The following DPYD variants were observed in gnomAD, a reference collection of about 807,000 sequenced individuals.
DPYD encodes dihydropyrimidine dehydrogenase [NADP(+)].
In DPYD, 109 loss-of-function variants were observed where a neutral mutation model predicts 116.2. The ratio of observed to expected loss-of-function variants is 0.94; its 90% CI spans 0.80 to 1.10. DPYD has a LOEUF of 1.10. Ranked by LOEUF, DPYD falls within the 50% of genes least tolerant of loss-of-function variation. DPYD has a pLI of 0.00. For synonymous variants in DPYD, 440 were observed against 432.0 expected (o/e 1.02, Z -0.23); for missense variants, 1,302 against 1,254.5 (o/e 1.04, Z -0.57).
chr1:97,751,784 T>TG (rs397980946), intron 3 of DPYD, among the ~76,000 whole-genome samples: 1 of 149,844 alleles, frequency 6.7e-6, no homozygotes, highest in Non-Finnish European at 1.5e-5. Context: ...TTTTTTTTTT[T>TG]GAGATGGAGT....
chr1:97,294,395 T>A (rs1035773582), intron 18 of DPYD, among the ~76,000 whole-genome samples: 7 of 152,038 alleles, frequency 4.6e-5, no homozygotes, highest in Admixed American at 1.3e-4. Context: ...ATAGGTTTTT[T>A]AAATCTCAAT....
At position 97,078,895 on chromosome 1, in the gene DPYD, C is replaced by A; in HGVS notation, c.*81G>T. The A allele has an allele frequency of 1.4e-6, 2 of 1,480,982 alleles. No individual in the cohort carries two copies. The highest frequency in any genetic ancestry group is 1.9e-6 in the Non-Finnish European group (2 of 1,059,532). 91.7% of individuals were successfully genotyped at this position (1,480,982 alleles called of 1,614,324 possible). A position where few individuals can be genotyped will look rare whatever the true frequency, so the allele number is the denominator to read the frequency against. ...TATATTTGTTTTAATTTGGAAAGAG[C>A]TGAACACAAGGATCATGATTTTAAA... is the stretch of plus-strand genomic sequence containing the variant. On this transcript the variant is annotated 3_prime_UTR_variant, in exon 23 of 23. Coordinates refer to ENST00000370192, the MANE Select transcript of DPYD (RefSeq NM_000110.4).
intron 18 of DPYD, among the ~76,000 whole-genome samples, chr1:97,235,658 C>T (rs937701644): frequency 1.3e-5 from 2 of 151,902 alleles, no homozygotes; most frequent in African/African-American, 4.8e-5. Flanking sequence ...CAAGGAACAG[C>T]AGATTTTGAA....
In DPYD at chr1:97,501,281, A is replaced by G. The variant is rs572909760; in HGVS notation, c.1740+14445T>C. 2.6e-5 allele frequency among the ~76,000 whole-genome samples: 4 copies of G among 152,206 alleles called. No homozygotes were observed. The East Asian group carries it at 5.8e-4, about 22-fold the overall frequency. On this transcript the variant is annotated intron_variant, in intron 13 of 22. Coordinates refer to ENST00000370192, the MANE Select transcript of DPYD (RefSeq NM_000110.4). ...AAATGGTTATAGAGCCAACTTCTTA[A>G]TATGTTCTATTTCATGTTTTAATGT...
At chr1:97,394,958 G>T (rs1672931765) in intron 14 of DPYD, among the ~76,000 whole-genome samples, 1 of 151,902 alleles carries the variant, frequency 6.6e-6, no homozygotes, top group Admixed American at 6.6e-5. Context: ...TGCAGGTAAG[G>T]GACAAAACAA....
intron 12 of DPYD, among the ~76,000 whole-genome samples, chr1:97,528,946 T>C (rs1649355032): frequency 6.6e-6 from 1 of 152,204 alleles, no homozygotes; most frequent in Non-Finnish European, 1.5e-5. Flanking sequence ...TATTCAACTT[T>C]TCATGATAGC....
At chr1:97,881,020 A>G (rs1672190375) in intron 2 of DPYD, among the ~76,000 whole-genome samples, 1 of 151,988 alleles carries the variant, frequency 6.6e-6, no homozygotes, top group Non-Finnish European at 1.5e-5. Flanking sequence ...TTCTTTATCT[A>G]TATTCCTAAT....
chr1:97,893,206 A>T (rs1019645215), intron 1 of DPYD, among the ~76,000 whole-genome samples: 3 of 151,370 alleles, frequency 2.0e-5, no homozygotes, highest in East Asian at 3.9e-4. Flanking sequence ...AAGGATGAAG[A>T]CAACAGGTGA....
At chr1:97,313,632 T>C (rs1667646587) in intron 16 of DPYD, among the ~76,000 whole-genome samples, 1 of 151,840 alleles carries the variant, frequency 6.6e-6, no homozygotes. Context: ...AGTTTTTTCT[T>C]ATTTTTCTCT....
rs963831073 is a variant in DPYD at position 97,773,578 on chromosome 1, C to T, written c.234-33099G>A. On this transcript the variant is annotated intron_variant, in intron 3 of 22. Transcript: ENST00000370192. ...ATAAAAACCCCGAGACACGAGGAGG[C>T]ACACAGACACAGGCAGCTGGACATT... 3.9e-5 allele frequency among the ~76,000 whole-genome samples: 6 copies of T among 152,274 alleles called. No homozygotes were observed. The East Asian group carries it at 1.2e-3, about 30-fold the overall frequency.
chr1:97,682,420 C>T (rs1660474505), intron 7 of DPYD, among the ~76,000 whole-genome samples: 1 of 151,882 alleles, frequency 6.6e-6, no homozygotes, highest in Non-Finnish European at 1.5e-5. Context: ...GGCTTCCTTC[C>T]TTTTTGTGAA....
chr1:97,707,084 A>G (rs1403834415), intron 5 of DPYD, among the ~76,000 whole-genome samples: 1 of 151,954 alleles, frequency 6.6e-6, no homozygotes, highest in Non-Finnish European at 1.5e-5. Flanking sequence ...TTCAATTCGT[A>G]TGTTGAAAAC....
intron 13 of DPYD, among the ~76,000 whole-genome samples, chr1:97,495,163 T>A (rs2101914052): frequency 6.6e-6 from 1 of 152,188 alleles, no homozygotes; most frequent in South Asian, 2.1e-4. Flanking sequence ...GTGGGAGGAA[T>A]TAAGACTAAG....
chr1:97,524,276 C>T (rs1223146958), intron 12 of DPYD, among the ~76,000 whole-genome samples: 2 of 152,116 alleles, frequency 1.3e-5, no homozygotes, highest in African/African-American at 4.8e-5. Context: ...ATAGAGTTGT[C>T]CATTAGGGGT....
chr1:97,389,486 C>A (rs1466955357), intron 14 of DPYD, among the ~76,000 whole-genome samples: 2 of 151,858 alleles, frequency 1.3e-5, no homozygotes, highest in Non-Finnish European at 2.9e-5. Context: ...AGATTACAGT[C>A]CCCTTTATAT....
chr1:97,405,430 C>A (rs950954272), intron 14 of DPYD, among the ~76,000 whole-genome samples: 1 of 152,004 alleles, frequency 6.6e-6, no homozygotes. Flanking sequence ...ATTTCTCCTT[C>A]ACTTTTGAAG....
At chr1:97,144,190 T>C (rs1654442371) in intron 20 of DPYD, among the ~76,000 whole-genome samples, 1 of 152,222 alleles carries the variant, frequency 6.6e-6, no homozygotes, top group South Asian at 2.1e-4. Context: ...TACGCTTCCT[T>C]AATGCAGAGA....
At chr1:97,129,162 C>G (rs1459291352) in intron 20 of DPYD, among the ~76,000 whole-genome samples, 6 of 151,106 alleles carry the variant, frequency 4.0e-5, no homozygotes, top group Non-Finnish European at 5.9e-5. Flanking sequence ...CCTCCCAGTT[C>G]AAGAGATTCT....
chr1:97,306,231 T>C lies in DPYD; in HGVS notation c.2125A>G (p.Lys709Glu). The C allele has an allele frequency of 6.2e-7, 1 of 1,612,534 alleles. No individual in the cohort carries two copies. Among genetic ancestry groups the C allele is most frequent in the Non-Finnish European group, 8.5e-7 (1 of 1,178,936 alleles). ...ATATCAGTGACATTTGGGGTCAGCT[T>C]GGCAAAAAAAGGAATCTGAACAGCT... ...RQAVQIPFFA[K>E]LTPNVTDIVS... Residue 709 changes from lysine to glutamate, a missense_variant, in exon 17 of 23, where the codon AAG (lysine) becomes GAG (glutamate). Physicochemically the swap from Lys to Glu is moderately conservative, Grantham distance 56. Transcript: ENST00000370192.
Sources: gnomAD v4.1 joint callset for allele counts (sites outside exome capture counted in the v4.1 genomes callset) on GRCh38, gnomAD v4.1.1 for gene constraint, MANE v1.5 for transcripts, NCBI Gene and HGNC (gene_info 2026-07-23, HGNC 2026-07-21) for gene names.